Variants in PTPRD observed in about 807,000 individuals in gnomAD.
PTPRD encodes protein tyrosine phosphatase receptor type D.
In PTPRD, 34 loss-of-function variants were observed where a neutral mutation model predicts 214.5. That is an observed-to-expected ratio of 0.16 (90% confidence interval 0.12 to 0.21). PTPRD has a LOEUF of 0.21. PTPRD is among the 10% of genes least tolerant of loss of function. The pLI, the probability that PTPRD is intolerant of heterozygous loss-of-function variation, is 1.00. For synonymous variants in PTPRD, 1,128 were observed against 845.7 expected (o/e 1.33, Z -5.79); for missense variants, 2,545 against 2,398.7 (o/e 1.06, Z -1.27).
At chr9:8,372,703 G>A (rs2134488234) in intron 39 of PTPRD, among the ~76,000 whole-genome samples, 1 of 152,084 alleles carries the variant, frequency 6.6e-6, no homozygotes, top group Non-Finnish European at 1.5e-5. Context: ...ACCTTCCAAG[G>A]CCTTGTCTGC....
intron 14 of PTPRD, among the ~76,000 whole-genome samples, chr9:8,529,746 G>T (rs1034546270): frequency 6.6e-6 from 1 of 152,180 alleles, no homozygotes; most frequent in Admixed American, 6.6e-5. Context: ...TAGTTAGATG[G>T]GTGGCAATTA....
chr9:8,584,604 A>G (rs1564523128), intron 14 of PTPRD, among the ~76,000 whole-genome samples: 1 of 152,180 alleles, frequency 6.6e-6, no homozygotes, highest in African/African-American at 2.4e-5. Context: ...GCTTTCATAC[A>G]CATTTAATTA....
intron 9 of PTPRD, among the ~76,000 whole-genome samples, chr9:9,316,601 G>A (rs1301546121): frequency 6.6e-6 from 1 of 152,060 alleles, no homozygotes; most frequent in South Asian, 2.1e-4. Context: ...CTTTTGTAGG[G>A]GAAGAGTAGG....
intron 7 of PTPRD, among the ~76,000 whole-genome samples, chr9:9,684,734 ACT>A (rs1381629447): frequency 6.7e-6 from 1 of 149,656 alleles, no homozygotes; most frequent in Non-Finnish European, 1.5e-5. Context: ...TGGTTTTCTT[ACT>A]CTTTTTCTTA....
At chr9:8,592,296 C>T (rs1056793483) in intron 14 of PTPRD, among the ~76,000 whole-genome samples, 1 of 152,146 alleles carries the variant, frequency 6.6e-6, no homozygotes, top group Non-Finnish European at 1.5e-5. Context: ...ACAAACCTGA[C>T]TTGATCATGT....
intron 4 of PTPRD, among the ~76,000 whole-genome samples, chr9:9,995,580 T>C (rs1471680201): frequency 2.6e-5 from 4 of 152,188 alleles, no homozygotes; most frequent in Admixed American, 1.3e-4. Context: ...GTGGCCACTT[T>C]AGTCAGATTG....
chr9:9,536,631 T>G (rs1284148708), intron 8 of PTPRD, among the ~76,000 whole-genome samples: 1 of 152,030 alleles, frequency 6.6e-6, no homozygotes, highest in Non-Finnish European at 1.5e-5. Context: ...TGAAAGCTTT[T>G]GAAGGTAAGC....
At chr9:10,364,807 T>A (rs2154473321) in intron 2 of PTPRD, among the ~76,000 whole-genome samples, 1 of 152,312 alleles carries the variant, frequency 6.6e-6, no homozygotes, top group South Asian at 2.1e-4. Flanking sequence ...CTATTATCTC[T>A]ATTACCATAC....
At chr9:8,875,308 G>T (rs775840858) in intron 11 of PTPRD, among the ~76,000 whole-genome samples, 1 of 152,122 alleles carries the variant, frequency 6.6e-6, no homozygotes, top group Non-Finnish European at 1.5e-5. Context: ...GGAGGATCCC[G>T]TGAGCCCAGG....
chr9:8,547,058 C>T (rs2080384672), intron 14 of PTPRD, among the ~76,000 whole-genome samples: 1 of 152,164 alleles, frequency 6.6e-6, no homozygotes, highest in South Asian at 2.1e-4. Flanking sequence ...GTGAAACATT[C>T]CTCCATAAAC....
chr9:10,408,188 G>T (rs149086283), intron 2 of PTPRD, among the ~76,000 whole-genome samples: 1 of 151,394 alleles, frequency 6.6e-6, no homozygotes, highest in Non-Finnish European at 1.5e-5. Context: ...TAAGGTTCTG[G>T]TTCCTGTAAT....
At chr9:9,694,556 T>A (rs1224584105) in intron 7 of PTPRD, among the ~76,000 whole-genome samples, 1 of 151,940 alleles carries the variant, frequency 6.6e-6, no homozygotes. Flanking sequence ...CCCTTCAGGA[T>A]TGCGAGTTCC....
At chr9:10,477,375 A>C (rs75710570) in intron 2 of PTPRD, among the ~76,000 whole-genome samples, 17 of 152,192 alleles carry the variant, frequency 1.1e-4, no homozygotes, top group African/African-American at 3.9e-4. Flanking sequence ...CAAACGCGTG[A>C]AAAAAAGCTC....
chr9:9,577,350 GC>G (rs2089229352), intron 7 of PTPRD, among the ~76,000 whole-genome samples: 1 of 152,068 alleles, frequency 6.6e-6, no homozygotes, highest in Non-Finnish European at 1.5e-5. Flanking sequence ...GATTGCTTGA[GC>G]CTAAGAGTTT....
At chr9:8,794,768 G>T (rs1337642044) in intron 11 of PTPRD, among the ~76,000 whole-genome samples, 1 of 151,668 alleles carries the variant, frequency 6.6e-6, no homozygotes, top group East Asian at 1.9e-4. Flanking sequence ...ACAAGAAAGA[G>T]CAAACCGAGG....
intron 4 of PTPRD, among the ~76,000 whole-genome samples, chr9:9,953,986 G>A (rs1309415315): frequency 6.6e-6 from 1 of 151,906 alleles, no homozygotes. Flanking sequence ...AAGGACTCTA[G>A]GTATATAGGG....
intron 8 of PTPRD, among the ~76,000 whole-genome samples, chr9:9,525,028 T>C (rs992962250): frequency 7.2e-5 from 11 of 152,156 alleles, no homozygotes; most frequent in African/African-American, 2.7e-4. Flanking sequence ...CGGCTAATTT[T>C]TTGTATTTTT....
intron 43 of PTPRD, among the ~76,000 whole-genome samples, chr9:8,336,346 G>A (rs904081841): frequency 7.4e-5 from 11 of 149,312 alleles, no homozygotes; most frequent in Non-Finnish European, 8.8e-5. Flanking sequence ...AAACAAGAAT[G>A]GGGAAAGGCT....
At chr9:8,810,092 T>A (rs1017798708) in intron 11 of PTPRD, among the ~76,000 whole-genome samples, 2 of 152,196 alleles carry the variant, frequency 1.3e-5, no homozygotes, top group South Asian at 2.1e-4. Context: ...CACTGGACGT[T>A]TACTACTGCA....
Sources: allele counts gnomAD v4.1 joint callset (sites outside exome capture counted in the v4.1 genomes callset), GRCh38; gene constraint gnomAD v4.1.1; transcripts MANE v1.5; gene names NCBI Gene and HGNC (gene_info 2026-07-23, HGNC 2026-07-21).